The following RIMS2 variants were observed in gnomAD, a reference collection of about 807,000 sequenced individuals.
RIMS2 encodes the protein regulating synaptic membrane exocytosis 2.
RIMS2 carries 59 observed loss-of-function variants against 174.4 expected under a neutral mutation model. That is an observed-to-expected ratio of 0.34 (90% CI 0.27 to 0.42). RIMS2 has a LOEUF of 0.42. Among genes scored for constraint, RIMS2 ranks in the 10% least tolerant of loss-of-function variants. The pLI is 1.00. For missense variants in RIMS2, 1,620 were observed against 1,666.3 expected (o/e 0.97, Z 0.48); for synonymous variants, 606 against 572.5 (o/e 1.06, Z -0.84).
At chr8:103,916,701 A>G (rs1160995736) in intron 8 of RIMS2, among the ~76,000 whole-genome samples, 164 bp downstream of exon 11, 1 of 152,150 alleles carries the variant, frequency 6.6e-6, no homozygotes, top group Non-Finnish European at 1.5e-5. Flanking sequence ...AAATAATGAT[A>G]TCTCTTTATC....
At chr8:103,987,719 A>G (rs898435090) in intron 16 of RIMS2, among the ~76,000 whole-genome samples, 6 of 152,250 alleles carry the variant, frequency 3.9e-5, no homozygotes, top group Non-Finnish European at 8.8e-5. Context: ...GATTATCTCC[A>G]CAGGAAACCC....
chr8:103,564,956 G>A (rs921115316), intron 1 of RIMS2, among the ~76,000 whole-genome samples: 1 of 152,186 alleles, frequency 6.6e-6, no homozygotes, highest in Non-Finnish European at 1.5e-5. Context: ...AGGAGAGAGA[G>A]ACTAAACGTT....
At chr8:104,079,048 C>G (rs1273221442) in intron 19 of RIMS2, among the ~76,000 whole-genome samples, 1 of 151,812 alleles carries the variant, frequency 6.6e-6, no homozygotes, top group African/African-American at 2.4e-5. Flanking sequence ...TATAAAAAGA[C>G]TATTTTTAAT....
At chr8:103,798,116 A>C (rs1352142905) in intron 3 of RIMS2, among the ~76,000 whole-genome samples, 2 of 152,168 alleles carry the variant, frequency 1.3e-5, no homozygotes, top group African/African-American at 2.4e-5. Context: ...CTTTATATAT[A>C]ACAGTTTATA....
chr8:103,521,855 AC>A (rs1831856793), intron 1 of RIMS2, among the ~76,000 whole-genome samples: 3 of 151,714 alleles, frequency 2.0e-5, no homozygotes, highest in Admixed American at 1.3e-4. Flanking sequence ...AAAAAAAAAA[AC>A]AAAAAACACT....
intron 4 of RIMS2, among the ~76,000 whole-genome samples, chr8:103,889,121 T>C (rs1166167815): frequency 1.3e-5 from 2 of 151,748 alleles, no homozygotes; most frequent in Non-Finnish European, 3.0e-5. Flanking sequence ...AAATTGGCAA[T>C]TTGATTTGGG....
At chr8:103,604,591 G>A (rs1453134962) in intron 1 of RIMS2, among the ~76,000 whole-genome samples, 25 of 151,094 alleles carry the variant, frequency 1.7e-4, no homozygotes, top group Admixed American at 1.6e-3. Flanking sequence ...ACCTTGGGCA[G>A]TATGGCCATT....
intron 1 of RIMS2, among the ~76,000 whole-genome samples, chr8:103,687,543 A>T (rs1002137803): frequency 1.3e-5 from 2 of 151,900 alleles, no homozygotes; most frequent in African/African-American, 4.8e-5. Flanking sequence ...AACAAAGTCT[A>T]CCCTCTTATG....
At chr8:104,113,807 T>C (rs753051647) in intron 19 of RIMS2, among the ~76,000 whole-genome samples, 16 of 151,964 alleles carry the variant, frequency 1.1e-4, no homozygotes, top group Admixed American at 2.0e-4. Flanking sequence ...ATGTTTTTTT[T>C]CAAATAGAAC....
chr8:103,557,657 C>T (rs1252644662), intron 1 of RIMS2, among the ~76,000 whole-genome samples: 2 of 152,104 alleles, frequency 1.3e-5, no homozygotes, highest in Non-Finnish European at 2.9e-5. Context: ...ATTGCTATTT[C>T]CATAAGTAAT....
chr8:104,175,531 C>T (rs1013725384), intron 19 of RIMS2, among the ~76,000 whole-genome samples: 22 of 152,172 alleles, frequency 1.4e-4, no homozygotes, highest in African/African-American at 5.3e-4. Context: ...CTAGCAAATA[C>T]TAAATCTTAT....
intron 1 of RIMS2, among the ~76,000 whole-genome samples, chr8:103,511,955 T>C (rs1826645389): frequency 6.6e-6 from 1 of 152,132 alleles, no homozygotes. Flanking sequence ...CTGAGCTGTC[T>C]CAGGCTGTGG....
intron 19 of RIMS2, among the ~76,000 whole-genome samples, chr8:104,074,136 T>C (rs1445298007): frequency 6.6e-6 from 1 of 152,124 alleles, no homozygotes; most frequent in Non-Finnish European, 1.5e-5. Context: ...GGGAGAAAAG[T>C]TGAGGCTTGT....
intron 1 of RIMS2, among the ~76,000 whole-genome samples, chr8:103,521,955 A>G (rs1831903385): frequency 1.3e-5 from 2 of 151,434 alleles, no homozygotes; most frequent in Admixed American, 6.6e-5. Flanking sequence ...CCACTCTCCA[A>G]TCTCTATTAG....
intron 16 of RIMS2, among the ~76,000 whole-genome samples, chr8:103,987,584 T>C (rs1009545526): frequency 6.6e-6 from 1 of 151,822 alleles, no homozygotes; most frequent in Non-Finnish European, 1.5e-5. Context: ...AAGAGATGGA[T>C]GTTCATTAAT....
intron 1 of RIMS2, among the ~76,000 whole-genome samples, chr8:103,514,757 A>G (rs372300650): frequency 2.6e-5 from 4 of 151,906 alleles, no homozygotes; most frequent in African/African-American, 9.7e-5. Context: ...GAAGAACTTC[A>G]TTTTCTGGCA....
intron 1 of RIMS2, among the ~76,000 whole-genome samples, chr8:103,563,919 G>A (rs10086572): frequency 0.18 from 27,683 of 152,072 alleles, 2,766 homozygotes; most frequent in African/African-American, 0.26. Context: ...AATCTCATGA[G>A]ACTTATTCAC....
chr8:104,182,412 G>C (rs2135988476), intron 19 of RIMS2, among the ~76,000 whole-genome samples: 1 of 151,798 alleles, frequency 6.6e-6, no homozygotes, highest in East Asian at 1.9e-4. Flanking sequence ...TATTTAAAAT[G>C]TACAATCCAG....
chr8:104,017,047 T>C (rs1018842222), intron 19 of RIMS2, among the ~76,000 whole-genome samples: 1 of 152,080 alleles, frequency 6.6e-6, no homozygotes, highest in Non-Finnish European at 1.5e-5. Context: ...TTTTGTTTTT[T>C]AGTTTTGTTT....
Sources: gnomAD v4.1 joint callset for allele counts (sites outside exome capture counted in the v4.1 genomes callset) on GRCh38, gnomAD v4.1.1 for gene constraint, MANE v1.5 for transcripts, NCBI Gene and HGNC (gene_info 2026-07-23, HGNC 2026-07-21) for gene names.